EPAS1: variants seen among roughly 807,000 people sequenced by gnomAD.
EPAS1 encodes endothelial PAS domain protein 1.
Under a neutral mutation model 87.9 loss-of-function variants are expected in EPAS1, and 23 were observed. The observed-to-expected ratio is 0.26, with a 90% CI of 0.19 to 0.37. The LOEUF (loss-of-function observed/expected upper bound fraction) is 0.37. EPAS1 is among the 10% of genes least tolerant of loss of function. The pLI is 1.00. For synonymous variants in EPAS1, 508 were observed against 444.3 expected, an observed-to-expected ratio of 1.14 and a Z score of -1.80; for missense variants, 1,138 against 1,120.7, an observed-to-expected ratio of 1.02 and a Z score of -0.22.
chr2:46,382,067 A>C lies in EPAS1; in HGVS notation c.2265A>C (p.Pro755=). ...GCTGCCCTTTGATGCCGGACAAGCCACTGAGCGCAAATGTACCCAATGGTG... is the reference window on the plus strand; with the variant it reads ...GCTGCCCTTTGATGCCGGACAAGCCCCTGAGCGCAAATGTACCCAATGGTG... The part of the protein sequence containing the change: ...GGSCPLMPDK[P]LSANVPNDKF... The change falls in exon 14 of 16, where the codon CCA becomes CCC. Residue 755 remains proline (P), a synonymous_variant. Coordinates refer to ENST00000263734, the MANE Select transcript of EPAS1 (RefSeq NM_001430.5). 6.2e-7 allele frequency: 1 copy of C among 1,614,000 alleles called. No individual in the cohort carries two copies. The highest frequency in any genetic ancestry group is 2.2e-5 in the East Asian group (1 of 44,880).
rs770424470 is a variant in EPAS1 at position 46,380,377 on chromosome 2, A to G, written c.1705A>G (p.Asn569Asp). The G allele has an allele frequency of 3.3e-5, 54 of 1,614,028 alleles. No homozygotes were observed. Among genetic ancestry groups the G allele is most frequent in the Non-Finnish European group, 4.2e-5 (49 of 1,179,988 alleles). Residue 569 changes from asparagine (N) to aspartate (D), a missense_variant, in exon 12 of 16, where the codon AAC becomes GAC. Asn to Asp is a conservative substitution (Grantham distance 23). Coordinates refer to ENST00000263734, the MANE Select transcript of EPAS1 (RefSeq NM_001430.5). The surrounding 1 kb of genome is among the most constrained non-coding windows in gnomAD (Gnocchi z 4.4). ...CCAGCACTGCTTCAGTGCCATGACA[A>G]ACATCTTCCAGCCACTGGCCCCTGT... is the stretch of plus-strand genomic sequence containing the variant. ...TPQHCFSAMT[N>D]IFQPLAPVAP...
chr2:46,378,594 C>T lies in EPAS1; in HGVS notation c.1444-63C>T, dbSNP rs866192536. ...CCAGGAAGGTATTTCTTCTTCCATGCTGGACTTCTGGGGAGACCAGTGCCA... is the reference window on the plus strand; with the variant it reads ...CCAGGAAGGTATTTCTTCTTCCATGTTGGACTTCTGGGGAGACCAGTGCCA... On this transcript the variant is annotated intron_variant, in intron 10 of 15. Coordinates refer to ENST00000263734, the MANE Select transcript of EPAS1 (RefSeq NM_001430.5). 2.8e-5 allele frequency: 40 copies of T among 1,411,428 alleles called. 1 individual carries two copies. The East Asian group carries it at 8.6e-4, about 31-fold the overall frequency. The allele number at this position is 1,411,428 out of a possible 1,614,324, so 87.4% of individuals were successfully genotyped here. A position where few individuals can be genotyped will look rare whatever the true frequency, so the allele number is the denominator to read the frequency against.
chr2:46,318,543 A>C (rs1419472979), intron 1 of EPAS1, among the ~76,000 whole-genome samples: 1 of 152,216 alleles, frequency 6.6e-6, no homozygotes, highest in Non-Finnish European at 1.5e-5. Context: ...GTGTTTCTTA[A>C]CCATTTAACA....
intron 1 of EPAS1, among the ~76,000 whole-genome samples, chr2:46,329,531 A>AAC (rs1033428230): frequency 1.3e-5 from 2 of 152,168 alleles, no homozygotes; most frequent in East Asian, 1.9e-4. Context: ...TTTCTATTAA[A>AAC]ACACACACAC....
chr2:46,339,222 A>T (rs1487997703), intron 1 of EPAS1, among the ~76,000 whole-genome samples: 1 of 152,250 alleles, frequency 6.6e-6, no homozygotes, highest in East Asian at 1.9e-4. Context: ...ATGAGATCTC[A>T]GCTCGTTTTC....
chr2:46,299,860 G>A (rs988632967), intron 1 of EPAS1, among the ~76,000 whole-genome samples: 2 of 152,232 alleles, frequency 1.3e-5, no homozygotes, highest in East Asian at 3.8e-4. Context: ...CGGGAAGAAC[G>A]TTGCGTAATT....
chr2:46,355,646 C>G (rs1194185715), intron 2 of EPAS1, among the ~76,000 whole-genome samples: 1 of 152,174 alleles, frequency 6.6e-6, no homozygotes, highest in Non-Finnish European at 1.5e-5. Context: ...TTCAGGCATA[C>G]TTTGATTGAT....
chr2:46,314,195 A>G (rs1045573959), intron 1 of EPAS1, among the ~76,000 whole-genome samples: 7 of 152,264 alleles, frequency 4.6e-5, no homozygotes, highest in Admixed American at 2.0e-4. Flanking sequence ...TTATTTGGCA[A>G]TGTTTACACC....
At chr2:46,302,296 T>C (rs1408617833) in intron 1 of EPAS1, among the ~76,000 whole-genome samples, 2 of 152,162 alleles carry the variant, frequency 1.3e-5, no homozygotes, top group Non-Finnish European at 2.9e-5. Flanking sequence ...CTTGCTGTCA[T>C]TAATTGTCTT....
intron 2 of EPAS1, among the ~76,000 whole-genome samples, chr2:46,349,284 G>T (rs1233515689): frequency 6.6e-6 from 1 of 152,190 alleles, no homozygotes; most frequent in Non-Finnish European, 1.5e-5. Context: ...GCCCTCCTGA[G>T]CCTGGCTGTC....
At chr2:46,362,029 TGGCTTGAGTAAGCGCCACTGG>T (rs1684401128) in intron 6 of EPAS1, among the ~76,000 whole-genome samples, 1 of 152,184 alleles carries the variant, frequency 6.6e-6, no homozygotes, top group African/African-American at 2.4e-5. Flanking sequence ...AGGGTAGGCC[TGGCTTGAGTAAGCGCCACTGG>T]GGCTTGCTGA....
chr2:46,313,894 C>T (rs769041516), intron 1 of EPAS1, among the ~76,000 whole-genome samples: 1 of 152,186 alleles, frequency 6.6e-6, no homozygotes, highest in Non-Finnish European at 1.5e-5. Context: ...AGGAGGTGCT[C>T]CTTAAATGTT....
Position 46,333,539 on chromosome 2 carries a change from TC to T in EPAS1, c.27-13333del, listed in dbSNP as rs541490883. Among the ~76,000 whole-genome samples the T allele has an allele frequency of 1.1e-4, 17 of 152,074 alleles. No homozygotes were observed. In the South Asian group the frequency reaches 3.5e-3, roughly 32 times the overall value. ...AGAAGGTCAGAAAGGAAGAAGCACT[TC>T]AGGTGGAACAAATCAACTGGGGACA... is the stretch of plus-strand genomic sequence containing the variant. On this transcript the variant is annotated intron_variant, in intron 1 of 15. Coordinates refer to ENST00000263734, the MANE Select transcript of EPAS1 (RefSeq NM_001430.5).
intron 2 of EPAS1, among the ~76,000 whole-genome samples, chr2:46,353,733 G>A (rs548020888): frequency 6.6e-6 from 1 of 152,344 alleles, no homozygotes; most frequent in East Asian, 1.9e-4. Context: ...AGGTGTATCA[G>A]CAGAAACCCC....
At chr2:46,376,402 CT>C in intron 8 of EPAS1, 136 bp from the exon 9 acceptor site, 1 of 817,088 alleles carries the variant, frequency 1.2e-6, no homozygotes, top group South Asian at 1.4e-5. Flanking sequence ...TTGTATGGTT[CT>C]TTATAAGACG....
chr2:46,304,788 C>T (rs1465168127), intron 1 of EPAS1, among the ~76,000 whole-genome samples: 5 of 152,138 alleles, frequency 3.3e-5, no homozygotes, highest in Admixed American at 2.6e-4. Context: ...TTCTGAAGAA[C>T]CATCAAGATG....
intron 1 of EPAS1, among the ~76,000 whole-genome samples, chr2:46,330,939 T>A (rs1456816180): frequency 6.6e-6 from 1 of 152,106 alleles, no homozygotes; most frequent in Non-Finnish European, 1.5e-5. Context: ...TTTTTTTTTT[T>A]CCTCCCCATT....
chr2:46,369,094 C>T (rs1240011055), intron 6 of EPAS1, among the ~76,000 whole-genome samples: 1 of 152,134 alleles, frequency 6.6e-6, no homozygotes, highest in East Asian at 1.9e-4. Flanking sequence ...TCTGAGCTGC[C>T]TATTAGAGTA....
intron 1 of EPAS1, among the ~76,000 whole-genome samples, chr2:46,298,451 G>C (rs1395461841): frequency 6.6e-6 from 1 of 152,200 alleles, no homozygotes; most frequent in Non-Finnish European, 1.5e-5. Context: ...TCAGGGACAC[G>C]ATCCTACCGA....
Sources: allele counts gnomAD v4.1 joint callset (sites outside exome capture counted in the v4.1 genomes callset), GRCh38; gene constraint gnomAD v4.1.1; non-coding constraint Gnocchi (gnomAD v3.1); transcripts MANE v1.5; gene names NCBI Gene and HGNC (gene_info 2026-07-23, HGNC 2026-07-21).